ZNF330: variants seen among roughly 807,000 people sequenced by gnomAD.
The protein encoded by ZNF330 is zinc finger protein 330.
In ZNF330, 31 loss-of-function variants were observed where a neutral mutation model predicts 45.5. That is an observed-to-expected ratio of 0.68 (90% CI 0.51 to 0.92). The LOEUF is 0.92. Among genes scored for constraint, ZNF330 ranks in the 40% least tolerant of loss-of-function variants. The probability of loss-of-function intolerance (pLI) is 0.00; values close to 1 mark genes in which losing one functional copy is unlikely to be tolerated. For missense variants in ZNF330, 356 were observed against 387.4 expected, an observed-to-expected ratio of 0.92 and a Z score of 0.68; for synonymous variants, 138 against 123.2, an observed-to-expected ratio of 1.12 and a Z score of -0.79.
chr4:141,225,292 C>A (rs1728777504), intron 4 of ZNF330, among the ~76,000 whole-genome samples: 1 of 151,960 alleles, frequency 6.6e-6, no homozygotes, highest in Non-Finnish European at 1.5e-5. Context: ...TGGGTGTTTC[C>A]CAAATAGTCT....
In ZNF330 at chr4:141,224,648, T is replaced by G. The variant is rs148304183; in HGVS notation, c.182T>G (p.Val61Gly). The G allele has an allele frequency of 6.8e-6, 11 of 1,613,634 alleles. No individual in the cohort carries two copies. The highest frequency in any genetic ancestry group is 9.3e-6 in the Non-Finnish European group (11 of 1,179,648). ...GCATTTTGCTACTTTTGTAATTCTG[T>G]ACAGAAGTTACCAATTTGTGCACAG... is the stretch of plus-strand genomic sequence containing the variant. ...NRAFCYFCNS[V>G]QKLPICAQCG... Residue 61 changes from valine to glycine, a missense_variant, in exon 4 of 10, where the codon GTA becomes GGA. Coordinates refer to ENST00000262990, the MANE Select transcript of ZNF330 (RefSeq NM_014487.6).
intron 2 of ZNF330, chr4:141,222,736 A>G: frequency 3.9e-6 from 1 of 254,960 alleles, no homozygotes; most frequent in Middle Eastern, 1.3e-3. Context: ...ATTGGACAAG[A>G]ATAGATAATA....
intron 4 of ZNF330, among the ~76,000 whole-genome samples, chr4:141,225,533 GATAATA>G (rs3039631): frequency 0.27 from 41,048 of 150,770 alleles, 6,001 homozygotes; most frequent in East Asian, 0.6. Context: ...TTATTTATGA[GATAATA>G]ATAATAATTT....
In ZNF330 at chr4:141,233,899, A is replaced by C. The variant is rs1424685638; in HGVS notation, c.873A>C (p.Ser291=). 6.2e-7 allele frequency: 1 copy of C among 1,613,720 alleles called. No individual in the cohort carries two copies. The highest frequency in any genetic ancestry group is 8.5e-7 in the Non-Finnish European group (1 of 1,179,806). The change falls in exon 10 of 10, where the codon TCA becomes TCC. Residue 291 remains serine, a synonymous_variant. Transcript: ENST00000262990. ...EEEEDEGRKD[S]DTESSDLFTN... Reference sequence around the variant, plus strand: ...AAGAAGATGAAGGCAGAAAGGATTCAGATACTGAGTCATCAGATTTGTTTA... The same window carrying C: ...AAGAAGATGAAGGCAGAAAGGATTCCGATACTGAGTCATCAGATTTGTTTA...
chr4:141,228,066 A>G lies in ZNF330; in HGVS notation c.291+1220A>G, dbSNP rs192895898. On this transcript the variant is annotated intron_variant, in intron 5 of 9. Coordinates refer to ENST00000262990, the MANE Select transcript of ZNF330 (RefSeq NM_014487.6). Reference sequence around the variant, plus strand: ...TTATGTCAAATGGAATATTTTATTTATGGTAAATTTCCAAGAACATGTAAA... The same window carrying G: ...TTATGTCAAATGGAATATTTTATTTGTGGTAAATTTCCAAGAACATGTAAA... Among the ~76,000 whole-genome samples the G allele has an allele frequency of 1.1e-3, 168 of 152,236 alleles. 1 individual carries two copies. The highest frequency in any genetic ancestry group is 3.9e-3 in the African/African-American group (164 of 41,546).
At chr4:141,228,941 C>T (rs1040706107) in intron 5 of ZNF330, among the ~76,000 whole-genome samples, 4 of 151,986 alleles carry the variant, frequency 2.6e-5, no homozygotes, top group Non-Finnish European at 4.4e-5. Flanking sequence ...TTTATTGAAA[C>T]ATATTGTTAT....
intron 9 of ZNF330, 60 bp downstream of exon 9, chr4:141,232,702 C>A: frequency 8.4e-6 from 6 of 715,838 alleles, no homozygotes; most frequent in Non-Finnish European, 1.2e-5. Flanking sequence ...CAAAGTTTAT[C>A]TTTTTTTTTT....
chr4:141,232,649 C>T lies in ZNF330; in HGVS notation c.688+7C>T, dbSNP rs763403042. 1 of 1,462,704 alleles carries T rather than the reference C, an allele frequency of 6.8e-7. No homozygotes were observed. The highest frequency in any genetic ancestry group is 2.4e-5 in the East Asian group (1 of 41,624). The allele number at this position is 1,462,704 out of a possible 1,614,324, so 90.6% of individuals were successfully genotyped here. ...AAGGACCTTAGCATGTCAAGTAAGG[C>T]CCTTAAGATACTAAGGAAGTGATTT... is the stretch of plus-strand genomic sequence containing the variant. On this transcript the variant is annotated splice_region_variant and intron_variant, in intron 9 of 9. Coordinates refer to ENST00000262990, the MANE Select transcript of ZNF330 (RefSeq NM_014487.6).
chr4:141,221,134 G>GGTTGCGGGTCCCC (rs1347347602), intron 1 of ZNF330, 26 bp downstream of exon 1: 5 of 152,278 alleles, frequency 3.3e-5, no homozygotes, highest in African/African-American at 4.8e-5. Flanking sequence ...GGCGGGTGAC[G>GGTTGCGGGTCCCC]GTTGCGGGTC....
chr4:141,223,806 G>T (rs1033571457), intron 2 of ZNF330: 3 of 455,746 alleles, frequency 6.6e-6, no homozygotes, highest in Admixed American at 4.7e-5. Context: ...TGTGGAAGGG[G>T]TACACTTCAC....
At position 141,234,091 on chromosome 4, in the gene ZNF330, G is replaced by C; in HGVS notation, c.*102G>C. The C allele has an allele frequency of 6.7e-7, 1 of 1,491,480 alleles. No individual in the cohort carries two copies. The highest frequency in any genetic ancestry group is 8.9e-7 in the Non-Finnish European group (1 of 1,127,580). 92.4% of individuals were successfully genotyped at this position (1,491,480 alleles called of 1,614,324 possible). A position where few individuals can be genotyped will look rare whatever the true frequency, so the allele number is the denominator to read the frequency against. ...AAAAGTACCTTAGCCACTTAGCCTT[G>C]TGCAGAAGACTAGTTACACTTAATG... On this transcript the variant is annotated 3_prime_UTR_variant, in exon 10 of 10. Coordinates refer to ENST00000262990, the MANE Select transcript of ZNF330 (RefSeq NM_014487.6).
intron 9 of ZNF330, 76 bp from the exon 10 acceptor site, chr4:141,233,639 G>C (rs530133584): frequency 6.8e-7 from 1 of 1,471,130 alleles, no homozygotes; most frequent in African/African-American, 1.4e-5. Flanking sequence ...TGAAATCCAT[G>C]AAATTTTATA....
chr4:141,224,692 A>G lies in ZNF330; in HGVS notation c.211+15A>G, dbSNP rs1324157769. 7 of 1,607,752 alleles carry G rather than the reference A, an allele frequency of 4.4e-6. No homozygotes were observed. The highest frequency in any genetic ancestry group is 6.0e-6 in the Non-Finnish European group (7 of 1,175,556). On this transcript the variant is annotated intron_variant, in intron 4 of 9. Coordinates refer to ENST00000262990, the MANE Select transcript of ZNF330 (RefSeq NM_014487.6). ...TGCACAGTGTGGTAAGTTTGTAATA[A>G]TTAAGGACATATGCTTTTTATCAAC...
In ZNF330 at chr4:141,232,545, T is replaced by C; in HGVS notation, c.591T>C (p.His197=). ...TACAGGCTTGTTTCTGTGATGATCA[T>C]ACAAGGAGCAAAGTGTTTAAGCAAG... ...LRCKACFCDD[H]TRSKVFKQEK... The change falls in exon 9 of 10, where the codon CAT becomes CAC. Residue 197 remains histidine (H), a synonymous_variant. Transcript: ENST00000262990. 1 of 1,588,672 alleles carries C rather than the reference T, an allele frequency of 6.3e-7. No homozygotes were observed. The highest frequency in any genetic ancestry group is 8.6e-7 in the Non-Finnish European group (1 of 1,169,318).
chr4:141,222,805 T>G, intron 2 of ZNF330: 1 of 172,620 alleles, frequency 5.8e-6, no homozygotes, highest in Non-Finnish European at 1.2e-5. Context: ...TCATCATATT[T>G]TCTTAGCAAT....
chr4:141,222,122 A>G (rs1022970797), intron 1 of ZNF330, among the ~76,000 whole-genome samples: 1 of 152,002 alleles, frequency 6.6e-6, no homozygotes, highest in Non-Finnish European at 1.5e-5. Context: ...TTTTAGGGTA[A>G]ATTTTTTTGA....
intron 4 of ZNF330, among the ~76,000 whole-genome samples, chr4:141,225,866 A>T (rs1728790893): frequency 6.6e-6 from 1 of 151,998 alleles, no homozygotes; most frequent in South Asian, 2.1e-4. Context: ...TAAATTTTGT[A>T]GTGTTGTTAG....
chr4:141,231,536 C>T, intron 8 of ZNF330, 51 bp downstream of exon 8: 1 of 1,380,642 alleles, frequency 7.2e-7, no homozygotes, highest in Non-Finnish European at 1.0e-6. Context: ...ATCTCTATAC[C>T]CCTCCACCAG....
intron 2 of ZNF330, chr4:141,223,856 G>A (rs1183203589): frequency 2.2e-6 from 1 of 452,018 alleles, no homozygotes; most frequent in East Asian, 7.0e-5. Flanking sequence ...CAACAGGTAG[G>A]AGGCACTTTT....
Sources: gnomAD v4.1 joint callset for allele counts (sites outside exome capture counted in the v4.1 genomes callset) on GRCh38, gnomAD v4.1.1 for gene constraint, MANE v1.5 for transcripts, NCBI Gene and HGNC (gene_info 2026-07-23, HGNC 2026-07-21) for gene names.